Variants in PGS1 observed in about 807,000 individuals in gnomAD.
The protein encoded by PGS1 is CDP-diacylglycerol--glycerol-3-phosphate 3-phosphatidyltransferase, mitochondrial.
In PGS1, 44 loss-of-function variants were observed where a neutral mutation model predicts 58.3. That is an observed-to-expected ratio of 0.75 (90% CI 0.59 to 0.97). PGS1 has a LOEUF of 0.97. Among genes scored for constraint, PGS1 ranks in the 50% least tolerant of loss-of-function variants. The pLI is 0.00. For missense variants in PGS1, 684 were observed against 731.1 expected (o/e 0.94, Z 0.74); for synonymous variants, 330 against 311.0 (o/e 1.06, Z -0.64).
chr17:78,403,949 C>T lies in PGS1; in HGVS notation c.1262C>T (p.Ala421Val). 1 of 1,614,142 alleles carries T rather than the reference C, an allele frequency of 6.2e-7. No individual in the cohort carries two copies. Among genetic ancestry groups the T allele is most frequent in the African/African-American group, 1.3e-5 (1 of 75,054 alleles). The change falls in exon 7 of 10, where the codon GCC (alanine) becomes GTC (valine). Residue 421 changes from alanine (A) to valine (V), a missense_variant. Transcript: ENST00000262764. The stretch of plus-strand genomic sequence containing the variant: ...CCAGAGGTGAATGGCTTCTTTGGGG[C>T]CAAGGGGGTGGCCGGCGCCATCCCA... The part of the protein sequence containing the change: ...ASPEVNGFFG[A>V]KGVAGAIPAA...
At chr17:78,386,920 C>T (rs959301748) in intron 1 of PGS1, among the ~76,000 whole-genome samples, 1 of 152,020 alleles carries the variant, frequency 6.6e-6, no homozygotes, top group Non-Finnish European at 1.5e-5. Context: ...TCCTTCTGTC[C>T]TGGCTGATGT....
At chr17:78,392,156 T>C (rs959506973) in intron 1 of PGS1, among the ~76,000 whole-genome samples, 2 of 152,208 alleles carry the variant, frequency 1.3e-5, no homozygotes, top group Non-Finnish European at 2.9e-5. Flanking sequence ...TTTTATGAGT[T>C]TACTTGTGGA....
At chr17:78,389,344 T>C (rs1210615876) in intron 1 of PGS1, among the ~76,000 whole-genome samples, 1 of 151,734 alleles carries the variant, frequency 6.6e-6, no homozygotes, top group Non-Finnish European at 1.5e-5. Context: ...TGCGCCACCA[T>C]GCCCGGCTAA....
chr17:78,400,891 G>C lies in PGS1; in HGVS notation c.880+36G>C. 3 of 1,530,132 alleles carry C rather than the reference G, an allele frequency of 2.0e-6. No homozygotes were observed. Among genetic ancestry groups the C allele is most frequent in the Non-Finnish European group, 2.7e-6 (3 of 1,130,582 alleles). 94.8% of individuals were successfully genotyped at this position (1,530,132 alleles called of 1,614,324 possible). ...CCGCTGACACCCTTCTATGGCTGTG[G>C]GTGGGGTGGAGTGAGGGCCCGGGAG... is the stretch of plus-strand genomic sequence containing the variant. On this transcript the variant is annotated intron_variant, in intron 6 of 9. Coordinates refer to ENST00000262764, the MANE Select transcript of PGS1 (RefSeq NM_024419.5). This position sits in a 1 kb window ranked among gnomAD's most constrained non-coding sequence, Gnocchi z 4.4.
At chr17:78,391,741 G>A (rs2082851651) in intron 1 of PGS1, among the ~76,000 whole-genome samples, 1 of 152,160 alleles carries the variant, frequency 6.6e-6, no homozygotes, top group Non-Finnish European at 1.5e-5. Context: ...GCCTCCCAAA[G>A]TGCTGGGATT....
chr17:78,378,879 C>G (rs765475718), intron 1 of PGS1, 71 bp downstream of exon 1: 4 of 1,333,306 alleles, frequency 3.0e-6, no homozygotes, highest in Non-Finnish European at 3.8e-6. Flanking sequence ...CTCAAACTCC[C>G]GGCCCCAGCG....
chr17:78,404,014 G>T lies in PGS1; in HGVS notation c.1327G>T (p.Val443Leu), dbSNP rs1343471427. The part of the protein sequence containing the change: ...VHIERQFFSE[V>L]CSLGQQERVQ... ...CATCGAGCGACAGTTCTTCAGTGAG[G>T]TGTGCAGCCTGGGACAGCAGGAGCG... Residue 443 changes from valine to leucine, a missense_variant, in exon 7 of 10, where the codon GTG becomes TTG. Coordinates refer to ENST00000262764, the MANE Select transcript of PGS1 (RefSeq NM_024419.5). 5.0e-6 allele frequency: 8 copies of T among 1,613,440 alleles called. No individual in the cohort carries two copies. In the Admixed American group the frequency reaches 6.7e-5, roughly 13 times the overall value.
intron 6 of PGS1, 146 bp downstream of exon 6, chr17:78,401,001 G>A: frequency 1.4e-6 from 1 of 701,082 alleles, no homozygotes; most frequent in Non-Finnish European, 2.3e-6. Flanking sequence ...AAGCCAGACA[G>A]ATGTGACTCA....
In PGS1 at chr17:78,419,529, C is replaced by G. The variant is rs2085505066; in HGVS notation, c.1552-17C>G. ...GGAGGGGACTCCTCACTATTCCTGT[C>G]TGTTCCTCTTCCTCAGGAGCAAGAG... On this transcript the variant is annotated splice_polypyrimidine_tract_variant and intron_variant, in intron 8 of 9. Coordinates refer to ENST00000262764, the MANE Select transcript of PGS1 (RefSeq NM_024419.5). The G allele has an allele frequency of 1.2e-6, 2 of 1,611,464 alleles. No individual in the cohort carries two copies. Among genetic ancestry groups the G allele is most frequent in the African/African-American group, 1.3e-5 (1 of 74,874 alleles).
intron 8 of PGS1, among the ~76,000 whole-genome samples, chr17:78,415,533 G>C (rs768424141): frequency 6.6e-6 from 1 of 152,234 alleles, no homozygotes; most frequent in Non-Finnish European, 1.5e-5. Flanking sequence ...TCGGGAGGCT[G>C]AGGCAGGAGA....
Position 78,406,591 on chromosome 17 carries a change from A to G in PGS1, c.1402+2502A>G, listed in dbSNP as rs184683807. Among the ~76,000 whole-genome samples, 5 of 152,340 alleles carry G rather than the reference A, an allele frequency of 3.3e-5. No individual in the cohort carries two copies. The East Asian group carries it at 5.8e-4, about 18-fold the overall frequency. ...ACTGTCCTGCAGGACCCATCCTGGC[A>G]TGTGTTGTGGCTGAACCAGGCTGGT... On this transcript the variant is annotated intron_variant, in intron 7 of 9. Transcript: ENST00000262764.
Position 78,399,264 on chromosome 17 carries a change from G to A in PGS1, c.512-84G>A, listed in dbSNP as rs372045020. ...TCAGGTGGACGGCACAGGTGAAGGC[G>A]AGGCCACGTGGAGGTGGCTCCTCAT... On this transcript the variant is annotated intron_variant, in intron 4 of 9. Coordinates refer to ENST00000262764, the MANE Select transcript of PGS1 (RefSeq NM_024419.5). 14 of 1,078,952 alleles carry A rather than the reference G, an allele frequency of 1.3e-5. 1 individual carries two copies. The highest frequency in any genetic ancestry group is 1.2e-4 in the African/African-American group (8 of 64,558). 66.8% of individuals were successfully genotyped at this position (1,078,952 alleles called of 1,614,324 possible). A position where few individuals can be genotyped will look rare whatever the true frequency, so the allele number is the denominator to read the frequency against.
At chr17:78,386,969 ATGATGATGATGG>A (rs1231806962) in intron 1 of PGS1, among the ~76,000 whole-genome samples, 10 of 147,486 alleles carry the variant, frequency 6.8e-5, no homozygotes, top group South Asian at 2.1e-4. Flanking sequence ...GATGATGATG[ATGATGATGATGG>A]TGATGATGGT....
At chr17:78,382,259 G>A (rs1049059797) in intron 1 of PGS1, among the ~76,000 whole-genome samples, 2 of 152,202 alleles carry the variant, frequency 1.3e-5, no homozygotes, top group Non-Finnish European at 2.9e-5. Flanking sequence ...AGAGGAGCTA[G>A]GAGCAAGCCA....
intron 9 of PGS1, chr17:78,421,286 G>A (rs186308647): frequency 1.3e-5 from 2 of 152,338 alleles, no homozygotes; most frequent in Admixed American, 6.5e-5. Context: ...GAAGCTTCCT[G>A]GGCTACAGGG....
chr17:78,422,060 G>C (rs760099371), intron 9 of PGS1: 3 of 152,274 alleles, frequency 2.0e-5, no homozygotes, highest in Non-Finnish European at 4.4e-5. Context: ...CAATATGTAT[G>C]TGTGGACTAG....
At chr17:78,383,641 G>T (rs1320003776) in intron 1 of PGS1, among the ~76,000 whole-genome samples, 2 of 152,126 alleles carry the variant, frequency 1.3e-5, no homozygotes, top group East Asian at 3.8e-4. Flanking sequence ...GATGGGATTC[G>T]GTCTTCCTTA....
intron 3 of PGS1, among the ~76,000 whole-genome samples, chr17:78,396,971 G>T (rs534819523): frequency 6.6e-6 from 1 of 152,300 alleles, no homozygotes; most frequent in Admixed American, 6.5e-5. Flanking sequence ...TACACAAAAG[G>T]CTTTCTGACC....
chr17:78,397,571 G>C (rs1440403951), intron 3 of PGS1, among the ~76,000 whole-genome samples: 1 of 145,630 alleles, frequency 6.9e-6, no homozygotes, highest in East Asian at 2.0e-4. Context: ...CGAGTAGTTG[G>C]GATTACAGGC....
Sources: gnomAD v4.1 joint callset for allele counts (sites outside exome capture counted in the v4.1 genomes callset) on GRCh38, gnomAD v4.1.1 for gene constraint, Gnocchi (gnomAD v3.1) non-coding constraint, MANE v1.5 for transcripts, NCBI Gene and HGNC (gene_info 2026-07-23, HGNC 2026-07-21) for gene names.